The following MEI1 variants were observed in gnomAD, a reference collection of about 807,000 sequenced individuals.
The protein encoded by MEI1 is meiosis inhibitor protein 1.
A neutral mutation model predicts 146.2 loss-of-function variants in MEI1; 103 were observed. The observed-to-expected ratio is 0.70, with a 90% CI of 0.60 to 0.83. The LOEUF (loss-of-function observed/expected upper bound fraction) is 0.83. Ranked by LOEUF, MEI1 falls within the 40% of genes least tolerant of loss-of-function variation. MEI1 has a pLI of 0.00. For synonymous variants in MEI1, 652 were observed against 628.2 expected (o/e 1.04, Z -0.57); for missense variants, 1,529 against 1,533.0 (o/e 1.00, Z 0.04).
chr22:41,712,951 G>A (rs1324321715), intron 3 of MEI1, among the ~76,000 whole-genome samples: 1 of 151,570 alleles, frequency 6.6e-6, no homozygotes, highest in Non-Finnish European at 1.5e-5. Context: ...TGGGACCACA[G>A]ATGCCTGCCA....
chr22:41,708,868 A>G (rs1316582238), intron 3 of MEI1, among the ~76,000 whole-genome samples: 1 of 152,204 alleles, frequency 6.6e-6, no homozygotes, highest in African/African-American at 2.4e-5. Context: ...AGTTAAGTCT[A>G]TGCTGAAAGG....
intron 3 of MEI1, among the ~76,000 whole-genome samples, chr22:41,708,665 C>T (rs1008727153): frequency 6.6e-6 from 1 of 152,212 alleles, no homozygotes; most frequent in African/African-American, 2.4e-5. Context: ...CAACTTTAAA[C>T]AAGCCGACCC....
At chr22:41,722,778 C>G (rs1265920125) in intron 6 of MEI1, among the ~76,000 whole-genome samples, 1 of 152,136 alleles carries the variant, frequency 6.6e-6, no homozygotes, top group African/African-American at 2.4e-5. Flanking sequence ...TCCTGCGGTC[C>G]TCTGGGCTTT....
chr22:41,741,234 A>G (rs987904429), intron 11 of MEI1, among the ~76,000 whole-genome samples: 2 of 152,144 alleles, frequency 1.3e-5, no homozygotes, highest in African/African-American at 2.4e-5. Flanking sequence ...GGCCCTGACG[A>G]CACCTCAATT....
At position 41,747,645 on chromosome 22, in the gene MEI1, A is replaced by G. The variant is rs61176782; in HGVS notation, c.1681-462A>G. Among the ~76,000 whole-genome samples, 1,107 of 152,162 alleles carry G rather than the reference A, an allele frequency of 7.3e-3. 19 individuals are homozygous for G. Among genetic ancestry groups the G allele is most frequent in the African/African-American group, 0.026 (1,059 of 41,482 alleles). ...CTTGAACCCGAGAGGCAGAGGTTTC[A>G]ATGAGCCGAGATCGCACCACTGATC... On this transcript the variant is annotated intron_variant, in intron 14 of 30. Coordinates refer to ENST00000401548, the MANE Select transcript of MEI1 (RefSeq NM_152513.4).
At chr22:41,723,262 G>A (rs1004893493) in intron 6 of MEI1, among the ~76,000 whole-genome samples, 1 of 151,932 alleles carries the variant, frequency 6.6e-6, no homozygotes, top group Non-Finnish European at 1.5e-5. Flanking sequence ...ACCCAGGGTG[G>A]AGTACAGTGA....
At chr22:41,771,885 A>G (rs971134931) in intron 20 of MEI1, among the ~76,000 whole-genome samples, 1 of 152,232 alleles carries the variant, frequency 6.6e-6, no homozygotes, top group African/African-American at 2.4e-5. Context: ...TTCTTCACAC[A>G]TAGTAGGTAC....
intron 11 of MEI1, among the ~76,000 whole-genome samples, chr22:41,739,422 T>G (rs1051073296): frequency 6.6e-6 from 1 of 152,152 alleles, no homozygotes; most frequent in Non-Finnish European, 1.5e-5. Context: ...TTCCCCTCTC[T>G]TCCCTACTTC....
At chr22:41,749,356 A>C (rs1192750100) in intron 15 of MEI1, among the ~76,000 whole-genome samples, 1 of 151,062 alleles carries the variant, frequency 6.6e-6, no homozygotes, top group African/African-American at 2.4e-5. Context: ...GCTCACCGCA[A>C]CCTCCGCCTC....
At chr22:41,717,536 G>T (rs2070319765) in intron 5 of MEI1, among the ~76,000 whole-genome samples, 1 of 151,982 alleles carries the variant, frequency 6.6e-6, no homozygotes. Context: ...GGTCTCAAGT[G>T]ATCCTCCCAC....
chr22:41,700,004 T>TC (rs2068572759), intron 1 of MEI1, among the ~76,000 whole-genome samples: 1 of 152,206 alleles, frequency 6.6e-6, no homozygotes. Context: ...GGACACACCT[T>TC]CCCGCCTTCC....
chr22:41,729,868 A>G (rs2071704248), intron 8 of MEI1, 89 bp downstream of exon 8: 2 of 741,138 alleles, frequency 2.7e-6, no homozygotes, highest in Admixed American at 3.6e-5. Flanking sequence ...CCTATGAACT[A>G]TGTCTCATAA....
chr22:41,777,084 T>A (rs943101153), intron 21 of MEI1, among the ~76,000 whole-genome samples: 2 of 151,942 alleles, frequency 1.3e-5, no homozygotes, highest in Non-Finnish European at 1.5e-5. Flanking sequence ...CCCAAAGTGG[T>A]TGGATTACAG....
chr22:41,719,737 A>G (rs1344021589), intron 6 of MEI1, among the ~76,000 whole-genome samples: 3 of 152,194 alleles, frequency 2.0e-5, no homozygotes, highest in Non-Finnish European at 4.4e-5. Context: ...AAGCCCCAAC[A>G]TACCCTTTTA....
chr22:41,702,582 G>T (rs2068791213), intron 1 of MEI1, among the ~76,000 whole-genome samples: 1 of 151,766 alleles, frequency 6.6e-6, no homozygotes, highest in African/African-American at 2.4e-5. Flanking sequence ...ATTAGCTGGG[G>T]ATATAGGCAT....
chr22:41,786,794 G>C (rs2076002474), intron 26 of MEI1, among the ~76,000 whole-genome samples: 1 of 152,218 alleles, frequency 6.6e-6, no homozygotes, highest in African/African-American at 2.4e-5. Context: ...CCAGAAGAAG[G>C]AGGGGATCCA....
At chr22:41,750,489 G>A (rs1316876361) in intron 15 of MEI1, among the ~76,000 whole-genome samples, 1 of 152,200 alleles carries the variant, frequency 6.6e-6, no homozygotes, top group Non-Finnish European at 1.5e-5. Context: ...ACCAGAGTGA[G>A]TTAAGGAATG....
At chr22:41,779,095 C>A (rs150022373) in intron 22 of MEI1, among the ~76,000 whole-genome samples, 1 of 152,060 alleles carries the variant, frequency 6.6e-6, no homozygotes, top group African/African-American at 2.4e-5. Flanking sequence ...GTGTTTGAGG[C>A]CGGAGGATTG....
At chr22:41,713,634 C>T (rs1406237973) in intron 3 of MEI1, among the ~76,000 whole-genome samples, 3 of 152,180 alleles carry the variant, frequency 2.0e-5, no homozygotes, top group East Asian at 3.8e-4. Flanking sequence ...CTACAACCTC[C>T]GCCTGCCGGG....
Sources: gnomAD v4.1 joint callset for allele counts (sites outside exome capture counted in the v4.1 genomes callset) on GRCh38, gnomAD v4.1.1 for gene constraint, MANE v1.5 for transcripts, NCBI Gene and HGNC (gene_info 2026-07-23, HGNC 2026-07-21) for gene names.